The following NIPA2 variants were observed in gnomAD, a reference collection of about 807,000 sequenced individuals.
NIPA2 encodes magnesium transporter NIPA2.
In NIPA2, 11 loss-of-function variants were observed where a neutral mutation model predicts 29.7. The observed-to-expected ratio is 0.37, with a 90% CI of 0.23 to 0.61. The LOEUF is 0.61. Ranked by LOEUF, NIPA2 falls within the 20% of genes least tolerant of loss-of-function variation. The pLI is 0.66. For synonymous variants in NIPA2, 183 were observed against 161.9 expected (o/e 1.13, Z -0.99); for missense variants, 426 against 437.9 (o/e 0.97, Z 0.24).
intron 3 of NIPA2, among the ~76,000 whole-genome samples, chr15:22,849,725 A>C (rs1422253395): frequency 3.3e-5 from 5 of 151,668 alleles, no homozygotes; most frequent in Non-Finnish European, 1.5e-5. Context: ...ACTTCCGGCT[A>C]ATTTTGTTTT....
intron 7 of NIPA2, among the ~76,000 whole-genome samples, chr15:22,864,699 A>G (rs2058860086): frequency 6.6e-6 from 1 of 152,006 alleles, no homozygotes; most frequent in Non-Finnish European, 1.5e-5. Context: ...TCTTGCCTTT[A>G]CTCCACTTCA....
chr15:22,864,059 AGTT>A lies in NIPA2; in HGVS notation c.449-2150_449-2148del, dbSNP rs75323094. 7.4e-3 allele frequency among the ~76,000 whole-genome samples: 1,131 copies of A among 151,966 alleles called. 8 individuals carry two copies. The highest frequency in any genetic ancestry group is 0.011 in the Non-Finnish European group (738 of 67,966). ...GTAATTTTTTTGTTTTTTGAGGGAC[AGTT>A]GTTTATTTTGAAGTTTTCCTCTGTC... On this transcript the variant is annotated intron_variant, in intron 7 of 7. Coordinates refer to ENST00000337451, the MANE Select transcript of NIPA2 (RefSeq NM_030922.7).
At chr15:22,840,224 C>T (rs949705589) in intron 2 of NIPA2, among the ~76,000 whole-genome samples, 2 of 150,208 alleles carry the variant, frequency 1.3e-5, no homozygotes, top group Admixed American at 1.3e-4. Flanking sequence ...CGGGCCTAAG[C>T]TAACTTAGAT....
chr15:22,848,206 C>T (rs908453965), intron 3 of NIPA2, among the ~76,000 whole-genome samples: 3 of 151,988 alleles, frequency 2.0e-5, no homozygotes. Flanking sequence ...TTGGGTAGCT[C>T]GGTTTCTCAC....
At chr15:22,857,836 CAAA>C (rs60523225) in intron 5 of NIPA2, among the ~76,000 whole-genome samples, 15 of 68,774 alleles carry the variant, frequency 2.2e-4, no homozygotes, top group East Asian at 7.5e-4. Context: ...GACTCCATCT[CAAA>C]AAAAAAAAAA....
intron 3 of NIPA2, among the ~76,000 whole-genome samples, chr15:22,850,117 G>A (rs1433752860): frequency 6.6e-6 from 1 of 151,866 alleles, no homozygotes; most frequent in Non-Finnish European, 1.5e-5. Context: ...CAAAAATCAG[G>A]GTGGAAACTT....
intron 5 of NIPA2, among the ~76,000 whole-genome samples, chr15:22,857,472 G>A (rs2058271092): frequency 1.3e-5 from 2 of 150,956 alleles, no homozygotes; most frequent in African/African-American, 2.4e-5. Context: ...TCAGAGCAAT[G>A]TCTTTGTTTT....
chr15:22,858,276 C>G (rs900529181), intron 5 of NIPA2, among the ~76,000 whole-genome samples: 2 of 152,118 alleles, frequency 1.3e-5, no homozygotes, highest in African/African-American at 2.4e-5. Flanking sequence ...TGCCTGCGGT[C>G]CCAGCTACTT....
intron 2 of NIPA2, among the ~76,000 whole-genome samples, chr15:22,843,849 G>A (rs1395511370): frequency 6.6e-6 from 1 of 152,018 alleles, no homozygotes; most frequent in East Asian, 1.9e-4. Flanking sequence ...TGTAGAGATG[G>A]GGTTTCACCA....
intron 5 of NIPA2, 108 bp downstream of exon 5, chr15:22,853,376 T>A: frequency 9.7e-6 from 2 of 206,840 alleles, no homozygotes; most frequent in East Asian, 9.7e-5. Context: ...TAAATAATCT[T>A]TTTTTTTTTT....
At position 22,840,290 on chromosome 15, in the gene NIPA2, G is replaced by GTT. The variant is rs59421708; in HGVS notation, c.-216+510_-216+511dup. Among the ~76,000 whole-genome samples, 804 of 137,680 alleles carry GTT rather than the reference G, an allele frequency of 5.8e-3. 9 individuals are homozygous for GTT. Among genetic ancestry groups the GTT allele is most frequent in the Non-Finnish European group, 8.5e-3 (546 of 64,130 alleles). The allele number at this position is 137,680 out of a possible 152,430, so 90.3% of individuals were successfully genotyped here. Reference sequence around the variant, plus strand: ...TAGAAAACTAAGAGCTCTATATATAGTTTTTTTTTTTGTTTTTTTTTTTTT... The same window carrying GTT: ...TAGAAAACTAAGAGCTCTATATATAGTTTTTTTTTTTTTGTTTTTTTTTTTTT... On this transcript the variant is annotated intron_variant, in intron 2 of 7. Coordinates refer to ENST00000337451, the MANE Select transcript of NIPA2 (RefSeq NM_030922.7).
intron 7 of NIPA2, among the ~76,000 whole-genome samples, chr15:22,864,865 G>T (rs935885348): frequency 2.0e-5 from 3 of 151,872 alleles, no homozygotes; most frequent in Non-Finnish European, 4.4e-5. Context: ...GTTATCTTCG[G>T]TCCTCTCTTT....
rs1044934823 is a variant in NIPA2, at chr15:22,845,171, A to G, written c.-190A>G. On this transcript the variant is annotated 5_prime_UTR_variant, in exon 3 of 8. Coordinates refer to ENST00000337451, the MANE Select transcript of NIPA2 (RefSeq NM_030922.7). ...GCTCTCCCGGCTGTGATAGACCTTC[A>G]GTTACAGAGAGAGGGAGCAGAGTGG... The G allele has an allele frequency of 1.3e-5, 2 of 152,212 alleles. No individual in the cohort carries two copies. The highest frequency in any genetic ancestry group is 2.9e-5 in the Non-Finnish European group (2 of 68,052). 9.4% of individuals were successfully genotyped at this position (152,212 alleles called of 1,614,324 possible).
At chr15:22,853,427 G>A (rs1002380689) in intron 5 of NIPA2, among the ~76,000 whole-genome samples, 159 bp downstream of exon 5, 7 of 148,408 alleles carry the variant, frequency 4.7e-5, no homozygotes, top group Non-Finnish European at 1.0e-4. Context: ...AGGCTGGAGT[G>A]CAGTGGCGTG....
At chr15:22,854,490 A>T (rs1286284005) in intron 5 of NIPA2, among the ~76,000 whole-genome samples, 1 of 149,258 alleles carries the variant, frequency 6.7e-6, no homozygotes, top group Non-Finnish European at 1.5e-5. Context: ...CACACCTGTA[A>T]TCCCAGCACT....
At position 22,848,536 on chromosome 15, in the gene NIPA2, T is replaced by C. The variant is rs937814431; in HGVS notation, c.-93-3103T>C. On this transcript the variant is annotated intron_variant, in intron 3 of 7. Coordinates refer to ENST00000337451, the MANE Select transcript of NIPA2 (RefSeq NM_030922.7). Reference sequence around the variant, plus strand: ...GTTTTTAAGGGCTAATTATGAATTATTCCATTTGGCTGGGGTGGTGGCTCA... The same window carrying C: ...GTTTTTAAGGGCTAATTATGAATTACTCCATTTGGCTGGGGTGGTGGCTCA... Among the ~76,000 whole-genome samples the C allele has an allele frequency of 1.2e-4, 19 of 152,098 alleles. No individual in the cohort carries two copies. The East Asian group carries it at 3.7e-3, about 29-fold the overall frequency.
chr15:22,866,775 C>T lies in NIPA2; in HGVS notation c.1011C>T (p.Ser337=), dbSNP rs138125528. ...MYEVLNNNEE[S]LTCGIEQHTG... is the part of the protein sequence containing the mutation. ...AAGTTCTTAATAATAATGAAGAAAG[C>T]TTAACCTGTGGAATCGAACAACACA... Residue 337 remains serine (S), a synonymous_variant, in exon 8 of 8, where the codon AGC becomes AGT. Transcript: ENST00000337451. 18 of 1,613,306 alleles carry T rather than the reference C, an allele frequency of 1.1e-5. No individual in the cohort carries two copies. In the Admixed American group the frequency reaches 1.2e-4, roughly 10 times the overall value.
intron 2 of NIPA2, among the ~76,000 whole-genome samples, chr15:22,843,208 A>G (rs1227551676): frequency 6.6e-6 from 1 of 152,032 alleles, no homozygotes; most frequent in Non-Finnish European, 1.5e-5. Context: ...GTGTTACTTA[A>G]CATCTCTGGA....
intron 3 of NIPA2, among the ~76,000 whole-genome samples, chr15:22,847,213 TC>T (rs1899001751): frequency 6.6e-6 from 1 of 151,864 alleles, no homozygotes; most frequent in African/African-American, 2.4e-5. Context: ...GCCTTGTGAG[TC>T]TATTGTTATA....
Sources: gnomAD v4.1 joint callset for allele counts (sites outside exome capture counted in the v4.1 genomes callset) on GRCh38, gnomAD v4.1.1 for gene constraint, MANE v1.5 for transcripts, NCBI Gene and HGNC (gene_info 2026-07-23, HGNC 2026-07-21) for gene names.